The following FBXO39 variants were observed in gnomAD, a reference collection of about 807,000 sequenced individuals.
The protein encoded by FBXO39 is F-box only protein 39.
In FBXO39, 22 loss-of-function variants were observed where a neutral mutation model predicts 36.6. The observed-to-expected ratio is 0.60, with a 90% confidence interval of 0.43 to 0.86. FBXO39 has a LOEUF of 0.86. Among genes scored for constraint, FBXO39 ranks in the 40% least tolerant of loss-of-function variants. FBXO39 has a pLI of 0.00. For synonymous variants in FBXO39, 206 were observed against 205.8 expected (o/e 1.00, Z -0.01); for missense variants, 536 against 543.9 (o/e 0.99, Z 0.14).
chr17:6,779,315 C>T (rs138947789), intron 1 of FBXO39, among the ~76,000 whole-genome samples: 8 of 152,306 alleles, frequency 5.3e-5, no homozygotes, highest in African/African-American at 1.9e-4. Flanking sequence ...ATTTTTAGCT[C>T]CCTGAATGGG....
chr17:6,787,182 G>C (rs1976582219), intron 3 of FBXO39, 118 bp from the exon 4 acceptor site: 3 of 1,468,948 alleles, frequency 2.0e-6, no homozygotes, highest in African/African-American at 2.8e-5. Context: ...TGTATGTGTA[G>C]ATCATTTAAG....
rs201536010 is a variant in FBXO39 at position 6,787,535 on chromosome 17, T to A, written c.*107T>A. On this transcript the variant is annotated 3_prime_UTR_variant, in exon 4 of 4. Coordinates refer to ENST00000321535, the MANE Select transcript of FBXO39 (RefSeq NM_153230.3). ...GGCCCTTTTGCTCCTCTCTCTCCCC[T>A]CCACTTTTTTTTTTTGTCAGCTCCA... 1 of 807,308 alleles carries A rather than the reference T, an allele frequency of 1.2e-6. No homozygotes were observed. Among genetic ancestry groups the A allele is most frequent in the African/African-American group, 2.2e-5 (1 of 44,744 alleles). The allele number at this position is 807,308 out of a possible 1,614,324, so 50.0% of individuals were successfully genotyped here.
rs1177085220 is a variant in FBXO39, at chr17:6,780,296, A to G, written c.428A>G (p.Asn143Ser). 3 of 1,614,032 alleles carry G rather than the reference A, an allele frequency of 1.9e-6. No individual in the cohort carries two copies. Among genetic ancestry groups the G allele is most frequent in the Admixed American group, 3.3e-5 (2 of 60,008 alleles). Residue 143 changes from asparagine to serine, a missense_variant, in exon 2 of 4, where the codon AAC becomes AGC. Coordinates refer to ENST00000321535, the MANE Select transcript of FBXO39 (RefSeq NM_153230.3). ...GAGCTGGACCGCCTGGTATGGAGGAACAGCATCAGGAGCTCATTCATCAGC... is the reference window on the plus strand; with the variant it reads ...GAGCTGGACCGCCTGGTATGGAGGAGCAGCATCAGGAGCTCATTCATCAGC... ...YLELDRLVWRNSIRSSFISSL... is the reference protein window; with the variant it reads ...YLELDRLVWRSSIRSSFISSL...
intron 2 of FBXO39, 57 bp from the exon 3 acceptor site, chr17:6,786,723 C>T: frequency 1.4e-6 from 2 of 1,467,612 alleles, no homozygotes; most frequent in Non-Finnish European, 1.8e-6. Flanking sequence ...TACAGAACAA[C>T]TCAGCCAGGC....
Position 6,780,088 on chromosome 17 carries a change from G to GA in FBXO39, c.222dup (p.Val75SerfsTer2). 6.2e-7 allele frequency: 1 copy of GA among 1,614,218 alleles called. No individual in the cohort carries two copies. The highest frequency in any genetic ancestry group is 8.5e-7 in the Non-Finnish European group (1 of 1,180,038). On this transcript the variant is annotated frameshift_variant, in exon 2 of 4. Transcript: ENST00000321535. LOFTEE classifies it high-confidence loss of function. ...GAGACCTTCCAGGGTACATGCATCTGAAGTTGAGTCAGCTGTTTGGTATGT... is the reference window on the plus strand; with the variant it reads ...GAGACCTTCCAGGGTACATGCATCTGAAAGTTGAGTCAGCTGTTTGGTATGT...
chr17:6,779,226 G>A (rs1228872334), intron 1 of FBXO39, among the ~76,000 whole-genome samples: 1 of 152,148 alleles, frequency 6.6e-6, no homozygotes, highest in African/African-American at 2.4e-5. Context: ...CCTTGATCCA[G>A]CACTTCCCAC....
At chr17:6,786,991 G>C in intron 3 of FBXO39, 35 bp downstream of exon 3, 1 of 1,582,916 alleles carries the variant, frequency 6.3e-7, no homozygotes, top group Non-Finnish European at 8.6e-7. Context: ...ACGGCGTAGA[G>C]TGGGGGCATC....
chr17:6,776,648 C>A (rs1325337524), intron 1 of FBXO39, among the ~76,000 whole-genome samples: 1 of 152,112 alleles, frequency 6.6e-6, no homozygotes, highest in Non-Finnish European at 1.5e-5. Context: ...TCTTCCTTGG[C>A]GGGACGTTGC....
At position 6,787,253 on chromosome 17, in the gene FBXO39, T is replaced by TGTGTGCGCGC. The variant is rs138181464; in HGVS notation, c.1201-46_1201-45insTGTGCGCGCG. 1,066 of 1,551,892 alleles carry TGTGTGCGCGC rather than the reference T, an allele frequency of 6.9e-4. 11 individuals are homozygous for TGTGTGCGCGC. The African/African-American group carries it at 0.013, about 20-fold the overall frequency. ...GTGTGTGTGTATGTGTGTGTGTGTG[T>TGTGTGCGCGC]GCGTGTGTGCGTGCTCATATGTGGA... On this transcript the variant is annotated intron_variant, in intron 3 of 3. Transcript: ENST00000321535.
In FBXO39 at chr17:6,787,466, G is replaced by A. The variant is rs1309030183; in HGVS notation, c.*38G>A. 1.9e-6 allele frequency: 3 copies of A among 1,609,190 alleles called. No homozygotes were observed. The highest frequency in any genetic ancestry group is 2.5e-6 in the Non-Finnish European group (3 of 1,177,182). On this transcript the variant is annotated 3_prime_UTR_variant, in exon 4 of 4. Coordinates refer to ENST00000321535, the MANE Select transcript of FBXO39 (RefSeq NM_153230.3). ...AGATGAAGAAAGCTGGGAGCACTTT[G>A]AACTTGAAAATCATTTCTCTTAGAA... is the stretch of plus-strand genomic sequence containing the variant.
chr17:6,787,008 T>C (rs1976580901), intron 3 of FBXO39, 52 bp downstream of exon 3: 3 of 1,557,042 alleles, frequency 1.9e-6, no homozygotes, highest in African/African-American at 2.7e-5. Flanking sequence ...CATCCAGGAA[T>C]GGTGCTTCTG....
At chr17:6,781,358 C>T (rs375733631) in intron 2 of FBXO39, among the ~76,000 whole-genome samples, 5 of 152,018 alleles carry the variant, frequency 3.3e-5, no homozygotes, top group Non-Finnish European at 7.4e-5. Context: ...CCAGGCCAGA[C>T]AAAAAGTCAA....
Position 6,787,593 on chromosome 17 carries a change from C to A in FBXO39, c.*165C>A. 1.4e-6 allele frequency: 1 copy of A among 693,758 alleles called. No individual in the cohort carries two copies. Among genetic ancestry groups the A allele is most frequent in the Non-Finnish European group, 2.3e-6 (1 of 428,110 alleles). 43.0% of individuals were successfully genotyped at this position (693,758 alleles called of 1,614,324 possible). A position where few individuals can be genotyped will look rare whatever the true frequency, so the allele number is the denominator to read the frequency against. ...ATGACCAGCTCAGCAAAGGCTGAGA[C>A]TGCCCATGACCTGAAGGCTCCAGGT... On this transcript the variant is annotated 3_prime_UTR_variant, in exon 4 of 4. Transcript: ENST00000321535.
chr17:6,780,407 G>C lies in FBXO39; in HGVS notation c.539G>C (p.Cys180Ser). ...KGARLTVEQG[C>S]QILDSLSYMR... ...GCCAGGCTGACCGTGGAGCAAGGCT[G>C]CCAAATTCTCGACTCCCTCAGCTAC... The change falls in exon 2 of 4, where the codon TGC becomes TCC. Residue 180 changes from cysteine to serine, a missense_variant. By Grantham distance (112) the Cys-to-Ser change is moderately radical. Coordinates refer to ENST00000321535, the MANE Select transcript of FBXO39 (RefSeq NM_153230.3). 1.2e-6 allele frequency: 2 copies of C among 1,614,072 alleles called. No individual in the cohort carries two copies. The highest frequency in any genetic ancestry group is 1.7e-6 in the Non-Finnish European group (2 of 1,180,016).
In FBXO39 at chr17:6,786,809, T is replaced by A. The variant is rs1782725289; in HGVS notation, c.1053T>A (p.His351Gln). Reference protein sequence around the residue: ...QKLTCEFNNNHESLDEELHLL... With the variant: ...QKLTCEFNNNQESLDEELHLL... ...TAACTTGTGAATTCAACAACAACCA[T>A]GAGTCACTCGACGAGGAGCTGCACC... The change falls in exon 3 of 4, where the codon CAT (histidine) becomes CAA (glutamine). Residue 351 changes from histidine to glutamine, a missense_variant. Coordinates refer to ENST00000321535, the MANE Select transcript of FBXO39 (RefSeq NM_153230.3). 6.2e-7 allele frequency: 1 copy of A among 1,611,994 alleles called. No homozygotes were observed. The highest frequency in any genetic ancestry group is 1.7e-5 in the Admixed American group (1 of 59,534).
chr17:6,783,618 G>A (rs1182838389), intron 2 of FBXO39, among the ~76,000 whole-genome samples: 3 of 152,084 alleles, frequency 2.0e-5, no homozygotes, highest in South Asian at 2.1e-4. Context: ...AGCCTATAAC[G>A]AGCAACTATA....
intron 2 of FBXO39, among the ~76,000 whole-genome samples, chr17:6,782,462 C>T (rs1357326972): frequency 6.6e-6 from 1 of 152,062 alleles, no homozygotes; most frequent in African/African-American, 2.4e-5. Context: ...CTAAACCCTC[C>T]AATCAAAAGA....
In FBXO39 at chr17:6,780,387, G is replaced by C. The variant is rs1468071224; in HGVS notation, c.519G>C (p.Arg173Ser). ...RLDYLNLKGA[R>S]LTVEQGCQIL... The stretch of plus-strand genomic sequence containing the variant: ...ATTATCTCAACCTAAAAGGGGCCAG[G>C]CTGACCGTGGAGCAAGGCTGCCAAA... The change falls in exon 2 of 4, where the codon AGG (arginine) becomes AGC (serine). Residue 173 changes from arginine to serine, a missense_variant. Physicochemically the swap from Arg to Ser is moderately radical, Grantham distance 110 (BLOSUM62 -1). Transcript: ENST00000321535. 3 of 1,613,990 alleles carry C rather than the reference G, an allele frequency of 1.9e-6. No homozygotes were observed. The highest frequency in any genetic ancestry group is 1.3e-5 in the African/African-American group (1 of 74,918).
intron 2 of FBXO39, 61 bp downstream of exon 2, chr17:6,780,952 C>T: frequency 6.6e-7 from 1 of 1,505,174 alleles, no homozygotes; most frequent in South Asian, 1.2e-5. Flanking sequence ...AGAAGAAAGC[C>T]CACTGCTGCC....
Sources: allele counts gnomAD v4.1 joint callset (sites outside exome capture counted in the v4.1 genomes callset), GRCh38; gene constraint gnomAD v4.1.1; transcripts MANE v1.5; gene names NCBI Gene and HGNC (gene_info 2026-07-23, HGNC 2026-07-21).